The following BEND3 variants were observed in gnomAD, a reference collection of about 807,000 sequenced individuals.
The protein encoded by BEND3 is BEN domain containing 3.
BEND3 carries 13 observed loss-of-function variants against 60.1 expected under a neutral mutation model. That is an observed-to-expected ratio of 0.22 (90% confidence interval 0.14 to 0.34). The LOEUF is 0.34. BEND3 is among the 10% of genes least tolerant of loss of function. The probability of loss-of-function intolerance (pLI) is 1.00; values close to 1 mark genes in which losing one functional copy is unlikely to be tolerated. For synonymous variants in BEND3, 497 were observed against 491.5 expected, an observed-to-expected ratio of 1.01 and a Z score of -0.15; for missense variants, 896 against 1,138.1, an observed-to-expected ratio of 0.79 and a Z score of 3.06.
Position 107,094,621 on chromosome 6 carries a change from CATAAATAAATAA to C in BEND3, c.240+3918_240+3929del, listed in dbSNP as rs144954565. On this transcript the variant is annotated intron_variant, in intron 3 of 3. Coordinates refer to ENST00000369042, the MANE Select transcript of BEND3 (RefSeq NM_001367314.1). The stretch of plus-strand genomic sequence containing the variant: ...GGGCAACAAGAGCAAAACTCCATCT[CATAAATAAATAA>C]ATAAATAAATAAATAAATAAATAAA... Among the ~76,000 whole-genome samples the C allele has an allele frequency of 7.4e-3, 1,032 of 139,792 alleles. 13 individuals carry two copies. Among genetic ancestry groups the C allele is most frequent in the African/African-American group, 0.023 (866 of 37,640 alleles). The allele number at this position is 139,792 out of a possible 152,430, so 91.7% of individuals were successfully genotyped here.
chr6:107,074,838 A>G (rs543462594), intron 3 of BEND3, among the ~76,000 whole-genome samples: 2 of 152,274 alleles, frequency 1.3e-5, no homozygotes, highest in South Asian at 4.2e-4. Context: ...ACGGTGGCTC[A>G]TGCCTATAAT....
chr6:107,095,041 T>G (rs1309372190), intron 3 of BEND3, among the ~76,000 whole-genome samples: 1 of 152,020 alleles, frequency 6.6e-6, no homozygotes, highest in African/African-American at 2.4e-5. Flanking sequence ...CAGGCTGATC[T>G]GGAACTCCTG....
Position 107,069,354 on chromosome 6 carries a change from G to C in BEND3, c.1837C>G (p.Leu613Val), listed in dbSNP as rs549741691. 2 of 1,612,822 alleles carry C rather than the reference G, an allele frequency of 1.2e-6. No individual in the cohort carries two copies. Among genetic ancestry groups the C allele is most frequent in the East Asian group, 2.2e-5 (1 of 44,876 alleles). The change falls in exon 4 of 4, where the codon CTC (leucine) becomes GTC (valine). Residue 613 changes from leucine (L) to valine (V), a missense_variant. Physicochemically the swap from Leu to Val is conservative, Grantham distance 32. This residue lies in a region of BEND3 where 846 missense variants were observed against 1,036.7 expected (regional missense o/e 0.82). Coordinates refer to ENST00000369042, the MANE Select transcript of BEND3 (RefSeq NM_001367314.1). The stretch of plus-strand genomic sequence containing the variant: ...AGCAGCTGCACGTAGTGGCGGATGA[G>C]CTTGATGCGGGAGGGGTCCAGCTGC... The part of the protein sequence containing the change: ...KKQLDPSRIK[L>V]IRHYVQLLYP...
chr6:107,090,901 G>C (rs1293623548), intron 3 of BEND3, among the ~76,000 whole-genome samples: 1 of 152,158 alleles, frequency 6.6e-6, no homozygotes, highest in Non-Finnish European at 1.5e-5. Context: ...CCTGAGGTCA[G>C]TAGCTCGAGA....
At position 107,069,715 on chromosome 6, in the gene BEND3, G is replaced by A. The variant is rs77387720; in HGVS notation, c.1476C>T (p.Asp492=). The A allele has an allele frequency of 4.3e-6, 7 of 1,610,740 alleles. No individual in the cohort carries two copies. The highest frequency in any genetic ancestry group is 5.9e-6 in the Non-Finnish European group (7 of 1,179,964). ...GLGLDAGSEG[D]PPRDDCYDSS... Reference sequence around the variant, plus strand: ...AGTCGTAGCAGTCATCACGCGGGGGGTCGCCTTCACTGCCCGCGTCCAGCC... The same window carrying A: ...AGTCGTAGCAGTCATCACGCGGGGGATCGCCTTCACTGCCCGCGTCCAGCC... The change falls in exon 4 of 4, where the codon GAC becomes GAT. Residue 492 remains aspartate, a synonymous_variant. Transcript: ENST00000369042.
At position 107,068,658 on chromosome 6, in the gene BEND3, C is replaced by A. The variant is rs1306677545; in HGVS notation, c.*46G>T. 1.9e-6 allele frequency: 3 copies of A among 1,578,896 alleles called. No individual in the cohort carries two copies. The highest frequency in any genetic ancestry group is 2.4e-5 in the South Asian group (2 of 83,906). ...ATTGCTCAGTCCCAAGGGTGCCCAT[C>A]GCTCAGCCTCTGGTGACCCCGAATC... On this transcript the variant is annotated 3_prime_UTR_variant, in exon 4 of 4. Coordinates refer to ENST00000369042, the MANE Select transcript of BEND3 (RefSeq NM_001367314.1). This position sits in a 1 kb window ranked among gnomAD's most constrained non-coding sequence, Gnocchi z 5.8.
intron 3 of BEND3, among the ~76,000 whole-genome samples, chr6:107,077,096 T>C (rs13194358): frequency 8.5e-5 from 13 of 152,110 alleles, no homozygotes; most frequent in Non-Finnish European, 1.9e-4. Flanking sequence ...CTCTAGAACA[T>C]GTACTCTTGT....
intron 3 of BEND3, among the ~76,000 whole-genome samples, chr6:107,079,454 A>G (rs1018488744): frequency 6.6e-6 from 1 of 152,148 alleles, no homozygotes. Flanking sequence ...TATAGACAGG[A>G]GCAAAACTAA....
intron 1 of BEND3, among the ~76,000 whole-genome samples, chr6:107,100,834 A>T (rs1158143102): frequency 6.6e-6 from 1 of 152,268 alleles, no homozygotes; most frequent in Non-Finnish European, 1.5e-5. Context: ...CCCACAACTG[A>T]TTAAGCTGAC....
intron 3 of BEND3, among the ~76,000 whole-genome samples, chr6:107,088,472 CT>C (rs1775403308): frequency 1.3e-5 from 2 of 151,956 alleles, no homozygotes; most frequent in Non-Finnish European, 2.9e-5. Flanking sequence ...AACCACAGAT[CT>C]AAGAGGTTCA....
intron 3 of BEND3, among the ~76,000 whole-genome samples, chr6:107,091,928 C>T (rs1474472776): frequency 1.3e-5 from 2 of 152,104 alleles, no homozygotes; most frequent in Non-Finnish European, 2.9e-5. Context: ...TGATTTGAGT[C>T]GTAATTCTGT....
Position 107,065,881 on chromosome 6 carries a change from G to A in BEND3, c.*2823C>T, listed in dbSNP as rs1490109271. The stretch of plus-strand genomic sequence containing the variant: ...CGCTAGCGCAAATGACACCAGACAC[G>A]ACTTTATTCCCTGTCAAACATTTGT... On this transcript the variant is annotated 3_prime_UTR_variant, in exon 4 of 4. Coordinates refer to ENST00000369042, the MANE Select transcript of BEND3 (RefSeq NM_001367314.1). The A allele has an allele frequency of 6.6e-6, 1 of 152,284 alleles. No individual in the cohort carries two copies. Among genetic ancestry groups the A allele is most frequent in the Non-Finnish European group, 1.5e-5 (1 of 68,038 alleles). 9.4% of individuals were successfully genotyped at this position (152,284 alleles called of 1,614,324 possible).
intron 3 of BEND3, among the ~76,000 whole-genome samples, chr6:107,086,612 T>TA (rs1375293108): frequency 4.0e-5 from 6 of 149,660 alleles, no homozygotes; most frequent in African/African-American, 1.2e-4. Context: ...GACTCCGTCT[T>TA]AAAAAAAAGA....
chr6:107,089,460 C>T (rs1389073688), intron 3 of BEND3, among the ~76,000 whole-genome samples: 2 of 151,342 alleles, frequency 1.3e-5, no homozygotes, highest in Non-Finnish European at 2.9e-5. Context: ...GTGACGGGCG[C>T]CTGTAGTCCC....
chr6:107,114,607 T>TGCCCCGCCAAA lies in BEND3; in HGVS notation c.-12+472_-12+482dup, dbSNP rs142330472. Among the ~76,000 whole-genome samples the TGCCCCGCCAAA allele has an allele frequency of 5.3e-5, 8 of 150,120 alleles. No homozygotes were observed. In the South Asian group the frequency reaches 1.7e-3, roughly 31 times the overall value. On this transcript the variant is annotated intron_variant, in intron 1 of 3. Coordinates refer to ENST00000369042, the MANE Select transcript of BEND3 (RefSeq NM_001367314.1). ...ACACCCCCTTCCACACGCCGAGCAG[T>TGCCCCGCCAAA]GCCCCGCCAAAGCCCCGCCGAGCGC...
Position 107,069,573 on chromosome 6 carries a change from C to CT in BEND3, c.1617dup (p.Glu540ArgfsTer6). 6.2e-7 allele frequency: 1 copy of CT among 1,613,092 alleles called. No homozygotes were observed. Among genetic ancestry groups the CT allele is most frequent in the Non-Finnish European group, 8.5e-7 (1 of 1,180,040 alleles). ...ACCTCGAAGTCAGGCTGGGGGATCT[C>CT]TAACTTGTCGAAGTCGATGGGCACC... On this transcript the variant is annotated frameshift_variant, in exon 4 of 4. Coordinates refer to ENST00000369042, the MANE Select transcript of BEND3 (RefSeq NM_001367314.1). LOFTEE classifies it high-confidence loss of function.
rs182417658 is a variant in BEND3, at chr6:107,101,354, T to C, written c.-11-2058A>G. Among the ~76,000 whole-genome samples, 153 of 152,280 alleles carry C rather than the reference T, an allele frequency of 1.0e-3. 3 individuals carry two copies. The highest frequency in any genetic ancestry group is 1.6e-4 in the Non-Finnish European group (11 of 68,034). ...GGATGGCAGCAAGAGGGAGAGTGTGTCTGGGTGATCCATGAGCACAATCAT... is the reference window on the plus strand; with the variant it reads ...GGATGGCAGCAAGAGGGAGAGTGTGCCTGGGTGATCCATGAGCACAATCAT... On this transcript the variant is annotated intron_variant, in intron 1 of 3. Transcript: ENST00000369042.
At chr6:107,114,767 C>A (rs1228486982) in intron 1 of BEND3, among the ~76,000 whole-genome samples, 1 of 145,980 alleles carries the variant, frequency 6.9e-6, no homozygotes, top group Admixed American at 6.8e-5. Flanking sequence ...ACGGTTCCAC[C>A]GCGCGAACCC....
chr6:107,111,469 C>A (rs953999542), intron 1 of BEND3, among the ~76,000 whole-genome samples: 2 of 151,554 alleles, frequency 1.3e-5, no homozygotes, highest in African/African-American at 4.8e-5. Flanking sequence ...CGAGATTGTG[C>A]CACTGCATTC....
Sources: gnomAD v4.1 joint callset for allele counts (sites outside exome capture counted in the v4.1 genomes callset) on GRCh38, gnomAD v4.1.1 for gene constraint, gnomAD v4.1.1 regional missense constraint, Gnocchi (gnomAD v3.1) non-coding constraint, MANE v1.5 for transcripts, NCBI Gene and HGNC (gene_info 2026-07-23, HGNC 2026-07-21) for gene names.